The following NOTO variants were observed in gnomAD, a reference collection of about 807,000 sequenced individuals.
The protein encoded by NOTO is notochord homeobox.
A neutral mutation model predicts 20.5 loss-of-function variants in NOTO; 19 were observed. That is an observed-to-expected ratio of 0.93 (90% confidence interval 0.65 to 1.36). The LOEUF is 1.36. NOTO is among the 40% of genes most tolerant of loss of function. The pLI, the probability that NOTO is intolerant of heterozygous loss-of-function variation, is 0.00. For synonymous variants in NOTO, 150 were observed against 150.2 expected, an observed-to-expected ratio of 1.00 and a Z score of 0.01; for missense variants, 369 against 336.2, an observed-to-expected ratio of 1.10 and a Z score of -0.76.
intron 1 of NOTO, among the ~76,000 whole-genome samples, chr2:73,206,836 C>G (rs1686095085): frequency 6.8e-6 from 1 of 147,868 alleles, no homozygotes; most frequent in Non-Finnish European, 1.5e-5. Context: ...ACTCTATCAC[C>G]CAGGCTGGAA....
At chr2:73,204,772 T>C (rs183110652) in intron 1 of NOTO, among the ~76,000 whole-genome samples, 1 of 152,202 alleles carries the variant, frequency 6.6e-6, no homozygotes, top group African/African-American at 2.4e-5. Context: ...TGGCGCTATC[T>C]CTGCTCACTA....
At position 73,210,829 on chromosome 2, in the gene NOTO, C is replaced by A; in HGVS notation, c.656C>A (p.Ala219Glu). Residue 219 changes from alanine (A) to glutamate (E), a missense_variant, in exon 3 of 3, where the codon GCA (alanine) becomes GAA (glutamate). Coordinates refer to ENST00000398468, the MANE Select transcript of NOTO (RefSeq NM_001134462.2). ...TATCAGAAGCAGCAAAAGCTGAGGGCAGCAGTTACATCTGCCGAGGCTGCC... is the reference window on the plus strand; with the variant it reads ...TATCAGAAGCAGCAAAAGCTGAGGGAAGCAGTTACATCTGCCGAGGCTGCC... ...VKYQKQQKLR[A>E]AVTSAEAASL... 6.4e-7 allele frequency: 1 copy of A among 1,551,616 alleles called. No homozygotes were observed. The highest frequency in any genetic ancestry group is 8.7e-7 in the Non-Finnish European group (1 of 1,146,916).
chr2:73,203,219 C>T (rs980511872), intron 1 of NOTO, among the ~76,000 whole-genome samples, 171 bp downstream of exon 1: 8 of 152,172 alleles, frequency 5.3e-5, no homozygotes, highest in African/African-American at 1.7e-4. Flanking sequence ...CCGAGGACCG[C>T]GACAGTCTTG....
In NOTO at chr2:73,210,932, A is replaced by C. The variant is rs1686171354; in HGVS notation, c.*3A>C. ...CCGAGTCAGGAGTGGACGGCTGAAG[A>C]CTGGGACAGAGGCCCTAGCCAGGCT... On this transcript the variant is annotated 3_prime_UTR_variant, in exon 3 of 3. Transcript: ENST00000398468. The C allele has an allele frequency of 3.9e-6, 6 of 1,549,406 alleles. No homozygotes were observed. Among genetic ancestry groups the C allele is most frequent in the Non-Finnish European group, 3.5e-6 (4 of 1,145,526 alleles).
At position 73,210,824 on chromosome 2, in the gene NOTO, G is replaced by A; in HGVS notation, c.651G>A (p.Leu217=). The change falls in exon 3 of 3, where the codon CTG becomes CTA. Residue 217 remains leucine, a synonymous_variant. Transcript: ENST00000398468. Reference sequence around the variant, plus strand: ...TCAAGTATCAGAAGCAGCAAAAGCTGAGGGCAGCAGTTACATCTGCCGAGG... The same window carrying A: ...TCAAGTATCAGAAGCAGCAAAAGCTAAGGGCAGCAGTTACATCTGCCGAGG... ...RRVKYQKQQK[L]RAAVTSAEAA... is the part of the protein sequence containing the mutation. 1 of 1,551,672 alleles carries A rather than the reference G, an allele frequency of 6.4e-7. No homozygotes were observed. The highest frequency in any genetic ancestry group is 8.7e-7 in the Non-Finnish European group (1 of 1,146,966).
At chr2:73,209,301 A>C (rs927655028) in intron 2 of NOTO, among the ~76,000 whole-genome samples, 2 of 152,058 alleles carry the variant, frequency 1.3e-5, no homozygotes, top group African/African-American at 4.8e-5. Flanking sequence ...CTCCTTTTAC[A>C]GGCAAACTTC....
At chr2:73,209,714 C>G (rs1183514644) in intron 2 of NOTO, among the ~76,000 whole-genome samples, 1 of 152,176 alleles carries the variant, frequency 6.6e-6, no homozygotes, top group Non-Finnish European at 1.5e-5. Context: ...ATCCTCAGCA[C>G]AACCATCTCA....
chr2:73,206,907 G>C (rs942776938), intron 1 of NOTO, among the ~76,000 whole-genome samples: 1 of 148,600 alleles, frequency 6.7e-6, no homozygotes, highest in Non-Finnish European at 1.5e-5. Context: ...CGATTCTCCT[G>C]CCTCAGCCTC....
chr2:73,204,870 A>ATTTTTTTTTTTTT lies in NOTO; in HGVS notation c.382+1830_382+1831insTTTTTTTTTTTTT, dbSNP rs763001329. Reference sequence around the variant, plus strand: ...CAAGCCCCAGCACCATGCCCGGCTAATTTTTTTTATTTTTTTATTTTTTTT... The same window carrying ATTTTTTTTTTTTT: ...CAAGCCCCAGCACCATGCCCGGCTAATTTTTTTTTTTTTTTTTTTTTATTTTTTTATTTTTTTT... On this transcript the variant is annotated intron_variant, in intron 1 of 2. Coordinates refer to ENST00000398468, the MANE Select transcript of NOTO (RefSeq NM_001134462.2). 7.5e-5 allele frequency among the ~76,000 whole-genome samples: 7 copies of ATTTTTTTTTTTTT among 93,044 alleles called. 3 individuals are homozygous for ATTTTTTTTTTTTT. Among genetic ancestry groups the ATTTTTTTTTTTTT allele is most frequent in the African/African-American group, 1.2e-4 (2 of 16,698 alleles). 61.0% of individuals were successfully genotyped at this position (93,044 alleles called of 152,430 possible).
chr2:73,208,472 C>G lies in NOTO; in HGVS notation c.455C>G (p.Thr152Ser), dbSNP rs551153753. 4.5e-6 allele frequency: 7 copies of G among 1,551,508 alleles called. No homozygotes were observed. The South Asian group carries it at 8.3e-5, about 18-fold the overall frequency. ...GCCCCAACGGAGGACCTACAGGACA[C>G]TGAGAGACAGCAAAAGAGAGTCCGA... ...DWAPTEDLQD[T>S]ERQQKRVRTM... The change falls in exon 2 of 3, where the codon ACT (threonine) becomes AGT (serine). Residue 152 changes from threonine (T) to serine (S), a missense_variant. Coordinates refer to ENST00000398468, the MANE Select transcript of NOTO (RefSeq NM_001134462.2).
intron 1 of NOTO, 65 bp from the exon 2 acceptor site, chr2:73,208,335 C>A: frequency 8.9e-7 from 1 of 1,123,774 alleles, no homozygotes; most frequent in Non-Finnish European, 1.3e-6. Flanking sequence ...GATGGGAGTG[C>A]AGGGGGCTTC....
intron 1 of NOTO, among the ~76,000 whole-genome samples, chr2:73,204,870 A>T (rs1574334759): frequency 2.2e-5 from 2 of 93,014 alleles, no homozygotes; most frequent in Non-Finnish European, 3.9e-5. Context: ...TGCCCGGCTA[A>T]TTTTTTTTAT....
chr2:73,204,098 CAAA>C (rs1189040660), intron 1 of NOTO, among the ~76,000 whole-genome samples: 1 of 27,376 alleles, frequency 3.7e-5, no homozygotes, highest in Non-Finnish European at 6.4e-5. Flanking sequence ...AACTCCGTCT[CAAA>C]AAAAAAAAAA....
intron 1 of NOTO, 113 bp downstream of exon 1, chr2:73,203,161 C>T: frequency 3.2e-6 from 3 of 935,284 alleles, no homozygotes; most frequent in Non-Finnish European, 2.9e-6. Context: ...GAATCACACA[C>T]GGCTGGAGTG....
intron 1 of NOTO, among the ~76,000 whole-genome samples, chr2:73,206,764 C>G (rs1686093558): frequency 6.9e-6 from 1 of 144,136 alleles, no homozygotes; most frequent in Admixed American, 7.1e-5. Context: ...TAATTGGTGG[C>G]AGAGCTAGGA....
intron 2 of NOTO, among the ~76,000 whole-genome samples, chr2:73,209,390 C>T (rs886593694): frequency 6.6e-6 from 1 of 152,134 alleles, no homozygotes; most frequent in African/African-American, 2.4e-5. Flanking sequence ...TGACTTTTCC[C>T]TACCATTCCA....
At chr2:73,204,610 C>T (rs1686061381) in intron 1 of NOTO, among the ~76,000 whole-genome samples, 2 of 152,196 alleles carry the variant, frequency 1.3e-5, no homozygotes, top group South Asian at 4.1e-4. Context: ...TCCCAGTCAC[C>T]TTTCTCTGAG....
Position 73,211,009 on chromosome 2 carries a change from C to A in NOTO, c.*80C>A. The A allele has an allele frequency of 8.1e-7, 1 of 1,228,664 alleles. No individual in the cohort carries two copies. The highest frequency in any genetic ancestry group is 1.1e-6 in the Non-Finnish European group (1 of 894,102). The allele number at this position is 1,228,664 out of a possible 1,614,324, so 76.1% of individuals were successfully genotyped here. On this transcript the variant is annotated 3_prime_UTR_variant, in exon 3 of 3. Coordinates refer to ENST00000398468, the MANE Select transcript of NOTO (RefSeq NM_001134462.2). ...CCCACTGGAGCTCCCTGCCTCACAC[C>A]TCAACGAAAAGCCTCCTCAACCAGA...
At chr2:73,209,814 C>T (rs1318121320) in intron 2 of NOTO, among the ~76,000 whole-genome samples, 1 of 152,198 alleles carries the variant, frequency 6.6e-6, no homozygotes, top group African/African-American at 2.4e-5. Context: ...ACCTCAATTC[C>T]TGACTTTTTT....
Sources: gnomAD v4.1 joint callset for allele counts (sites outside exome capture counted in the v4.1 genomes callset) on GRCh38, gnomAD v4.1.1 for gene constraint, MANE v1.5 for transcripts, NCBI Gene and HGNC (gene_info 2026-07-23, HGNC 2026-07-21) for gene names.